Variants in SLC11A2 observed in about 807,000 individuals in gnomAD.
SLC11A2 encodes the protein natural resistance-associated macrophage protein 2.
Under a neutral mutation model 68.0 loss-of-function variants are expected in SLC11A2, and 38 were observed. The observed-to-expected ratio is 0.56, with a 90% CI of 0.43 to 0.73. The LOEUF is 0.73. SLC11A2 is among the 30% of genes least tolerant of loss of function. The pLI, the probability that SLC11A2 is intolerant of heterozygous loss-of-function variation, is 0.00. For missense variants in SLC11A2, 517 were observed against 690.5 expected, an observed-to-expected ratio of 0.75 and a Z score of 2.82; for synonymous variants, 242 against 250.6, an observed-to-expected ratio of 0.97 and a Z score of 0.32.
At chr12:50,969,834 T>C in the SLC11A2 span, among the ~76,000 whole-genome samples, 1 of 152,122 alleles carries the variant, frequency 6.6e-6, no homozygotes, top group African/African-American at 2.4e-5. Flanking sequence ...GTGGTGGTGG[T>C]ATGTGAGTTG....
chr12:51,026,646 G>T (rs780538010), upstream of SLC11A2, among the ~76,000 whole-genome samples: 104 of 152,096 alleles, frequency 6.8e-4, no homozygotes, highest in Non-Finnish European at 1.4e-3. Context: ...TCCGCTAGCA[G>T]TCTGGGGACA....
downstream of SLC11A2, among the ~76,000 whole-genome samples, chr12:50,982,194 C>A (rs1467830979): frequency 2.0e-5 from 3 of 152,200 alleles, no homozygotes; most frequent in African/African-American, 7.2e-5. Flanking sequence ...GCCCTATTAT[C>A]CTTTGGCACT....
intron 1 of SLC11A2, among the ~76,000 whole-genome samples, chr12:51,018,651 C>T (rs1032985223): frequency 1.3e-5 from 2 of 151,816 alleles, no homozygotes; most frequent in Admixed American, 6.6e-5. Flanking sequence ...TGTGGTAGTG[C>T]GTGCTACTTG....
chr12:51,000,426 A>T lies in SLC11A2; in HGVS notation c.430-7T>A. 6.3e-7 allele frequency: 1 copy of T among 1,594,386 alleles called. No homozygotes were observed. Among genetic ancestry groups the T allele is most frequent in the Non-Finnish European group, 8.6e-7 (1 of 1,161,988 alleles). ...ACAGGATGACTCGTGGGACCTAAAC[A>T]TCAAACAGTAGAAAGACACGGTTCT... On this transcript the variant is annotated splice_region_variant and splice_polypyrimidine_tract_variant and intron_variant, in intron 5 of 15. Coordinates refer to ENST00000262052, the MANE Select transcript of SLC11A2 (RefSeq NM_000617.3).
At chr12:51,028,690 A>G (rs1944472623), upstream of SLC11A2, 1 of 156,132 alleles carries the variant, frequency 6.4e-6, no homozygotes, top group Non-Finnish European at 1.4e-5. Flanking sequence ...CAAGCCTGAC[A>G]GTGCACTTGT....
downstream of SLC11A2, chr12:50,980,199 C>T (rs1939942817): frequency 6.3e-6 from 2 of 318,312 alleles, no homozygotes; most frequent in South Asian, 5.6e-5. Flanking sequence ...GCACTCCAGC[C>T]TGGGCAACAG....
rs1321729546 is a variant in SLC11A2 at position 50,987,196 on chromosome 12, G to T, written c.*1129C>A. On this transcript the variant is annotated 3_prime_UTR_variant, in exon 16 of 16. Coordinates refer to ENST00000262052, the MANE Select transcript of SLC11A2 (RefSeq NM_000617.3). ...CCCTCTGAGGAAACAGCTGTAGAGA[G>T]GTAGCCCAGTTCAACTTTGCTGAGA... is the stretch of plus-strand genomic sequence containing the variant. The T allele has an allele frequency of 7.8e-7, 1 of 1,286,948 alleles. No individual in the cohort carries two copies. The highest frequency in any genetic ancestry group is 1.0e-6 in the Non-Finnish European group (1 of 988,506). 79.7% of individuals were successfully genotyped at this position (1,286,948 alleles called of 1,614,324 possible). A position where few individuals can be genotyped will look rare whatever the true frequency, so the allele number is the denominator to read the frequency against.
At chr12:51,002,190 A>C (rs1942307904) in intron 5 of SLC11A2, among the ~76,000 whole-genome samples, 1 of 152,080 alleles carries the variant, frequency 6.6e-6, no homozygotes, top group Non-Finnish European at 1.5e-5. Context: ...TCTACAAAAA[A>C]TTTTAAAAAT....
intron 1 of SLC11A2, among the ~76,000 whole-genome samples, chr12:51,016,758 A>ATTC (rs1943688322): frequency 6.7e-6 from 1 of 149,256 alleles, no homozygotes; most frequent in Non-Finnish European, 1.5e-5. Flanking sequence ...GAGGCAGGAG[A>ATTC]ATTGCTTGAA....
chr12:50,994,672 G>A, intron 10 of SLC11A2, 42 bp from the exon 11 acceptor site: 1 of 1,188,460 alleles, frequency 8.4e-7, no homozygotes, highest in South Asian at 1.2e-5. Context: ...TGTTTCAGAA[G>A]CAAGGACCAA....
rs746447913 is a variant in SLC11A2 at position 50,995,772 on chromosome 12, G to C, written c.847C>G (p.Arg283Gly). 2 of 1,614,010 alleles carry C rather than the reference G, an allele frequency of 1.2e-6. No individual in the cohort carries two copies. The highest frequency in any genetic ancestry group is 2.2e-5 in the East Asian group (1 of 44,880). The part of the protein sequence containing the change: ...SALVKSRQVN[R>G]NNKQEVREAN... ...TCTCGAACTTCCTGCTTATTGTTCC[G>C]GTTTACCTGTCTAGACTAGAAAGAT... Residue 283 changes from arginine to glycine, a missense_variant, in exon 10 of 16, where the codon CGG becomes GGG. Physicochemically the swap from Arg to Gly is moderately radical, Grantham distance 125. Transcript: ENST00000262052.
intron 1 of SLC11A2, among the ~76,000 whole-genome samples, chr12:51,021,018 G>T (rs1944005981): frequency 6.6e-6 from 1 of 152,114 alleles, no homozygotes; most frequent in Non-Finnish European, 1.5e-5. Flanking sequence ...TTGAGCCCAG[G>T]AAGTCAAAGC....
At chr12:50,975,186 C>T (rs1939832909), downstream of SLC11A2, among the ~76,000 whole-genome samples, 1 of 152,200 alleles carries the variant, frequency 6.6e-6, no homozygotes. Flanking sequence ...ACAGAATATA[C>T]ATTCTTCTCA....
intron 1 of SLC11A2, among the ~76,000 whole-genome samples, chr12:51,020,232 T>C (rs1943946950): frequency 6.6e-6 from 1 of 151,654 alleles, no homozygotes; most frequent in South Asian, 2.1e-4. Flanking sequence ...GGCTTTTTTT[T>C]TTTTTTGTAA....
the SLC11A2 span, among the ~76,000 whole-genome samples, chr12:50,973,387 G>A: frequency 3.3e-5 from 5 of 152,168 alleles, no homozygotes; most frequent in East Asian, 1.9e-4. Flanking sequence ...AAAGGGTCTG[G>A]AGTGGACCTC....
intron 1 of SLC11A2, among the ~76,000 whole-genome samples, chr12:51,015,889 A>G (rs910752625): frequency 6.6e-6 from 1 of 152,188 alleles, no homozygotes; most frequent in Non-Finnish European, 1.5e-5. Flanking sequence ...ATTTTATCCC[A>G]TTCTCCTGCC....
chr12:50,962,675 C>T, the SLC11A2 span, among the ~76,000 whole-genome samples: 46 of 152,066 alleles, frequency 3.0e-4, no homozygotes, highest in African/African-American at 1.1e-3. Context: ...TTAGCCTGGG[C>T]ATCAGAGCAA....
intron 1 of SLC11A2, among the ~76,000 whole-genome samples, chr12:51,015,469 C>T (rs1943576137): frequency 6.7e-6 from 1 of 150,282 alleles, no homozygotes; most frequent in Non-Finnish European, 1.5e-5. Context: ...AGCAAGACTC[C>T]ATCTTATAAA....
chr12:50,960,890 G>A, the SLC11A2 span: 2 of 1,279,508 alleles, frequency 1.6e-6, no homozygotes, highest in South Asian at 3.3e-5. Flanking sequence ...ATGTTGCCCA[G>A]GCTGTTTTCA....
Sources: gnomAD v4.1 joint callset for allele counts (sites outside exome capture counted in the v4.1 genomes callset) on GRCh38, gnomAD v4.1.1 for gene constraint, MANE v1.5 for transcripts, NCBI Gene and HGNC (gene_info 2026-07-23, HGNC 2026-07-21) for gene names.